KIR3DL3: variants seen among roughly 807,000 people sequenced by gnomAD.
KIR3DL3 encodes the protein killer cell immunoglobulin-like receptor 3DL3.
Under a neutral mutation model 34.9 loss-of-function variants are expected in KIR3DL3, and 27 were observed. That is an observed-to-expected ratio of 0.77 (90% confidence interval 0.57 to 1.07). KIR3DL3 has a LOEUF of 1.07. KIR3DL3 is among the 50% of genes least tolerant of loss of function. The pLI is 0.00. For synonymous variants in KIR3DL3, 217 were observed against 200.2 expected (o/e 1.08, Z -0.71); for missense variants, 681 against 528.5 (o/e 1.29, Z -2.83).
chr19:54,732,651 A>G (rs2068943970), intron 5 of KIR3DL3, among the ~76,000 whole-genome samples: 1 of 152,246 alleles, frequency 6.6e-6, no homozygotes. Context: ...CCTTAATGGA[A>G]AAAATGGATT....
chr19:54,727,906 C>A lies in KIR3DL3; in HGVS notation c.651C>A (p.Val217=). 4 of 1,607,286 alleles carry A rather than the reference C, an allele frequency of 2.5e-6. No homozygotes were observed. The South Asian group carries it at 4.4e-5, about 18-fold the overall frequency. Residue 217 remains valine, a synonymous_variant, in exon 4 of 8, where the codon GTC becomes GTA. Coordinates refer to ENST00000291860, the MANE Select transcript of KIR3DL3 (RefSeq NM_153443.5). ...SAPSDPLDIV[V]VGLYGKPSLS... Reference sequence around the variant, plus strand: ...CCAGTGACCCTCTGGACATCGTGGTCGTAGGTGAGAGAATACAGACCTGCC... The same window carrying A: ...CCAGTGACCCTCTGGACATCGTGGTAGTAGGTGAGAGAATACAGACCTGCC...
In KIR3DL3 at chr19:54,735,952, A is replaced by G; in HGVS notation, c.1108-19A>G. On this transcript the variant is annotated intron_variant, in intron 7 of 7. Transcript: ENST00000291860. ...AAAATGTGAGCACCCTCCCTCACTCAGCATTTCCCTCCCTCCAGGACTCTG... is the reference window on the plus strand; with the variant it reads ...AAAATGTGAGCACCCTCCCTCACTCGGCATTTCCCTCCCTCCAGGACTCTG... 6.2e-7 allele frequency: 1 copy of G among 1,611,564 alleles called. No homozygotes were observed. Among genetic ancestry groups the G allele is most frequent in the South Asian group, 1.1e-5 (1 of 90,858 alleles).
Position 54,726,256 on chromosome 19 carries a change from A to T in KIR3DL3, c.274A>T (p.Thr92Ser). 1 of 1,613,808 alleles carries T rather than the reference A, an allele frequency of 6.2e-7. No individual in the cohort carries two copies. The highest frequency in any genetic ancestry group is 8.5e-7 in the Non-Finnish European group (1 of 1,179,942). ...CCCTGTGACCCCAGCACATGCAGGG[A>T]CCTACAGATGTTGCAGTTCACACCC... Reference protein sequence around the residue: ...MGPVTPAHAGTYRCCSSHPHS... With the variant: ...MGPVTPAHAGSYRCCSSHPHS... The change falls in exon 3 of 8, where the codon ACC becomes TCC. Residue 92 changes from threonine to serine, a missense_variant. By Grantham distance (58) the Thr-to-Ser change is moderately conservative. Transcript: ENST00000291860.
chr19:54,724,512 G>C lies in KIR3DL3; in HGVS notation c.16G>C (p.Val6Leu). 6.2e-7 allele frequency: 1 copy of C among 1,612,768 alleles called. No individual in the cohort carries two copies. Among genetic ancestry groups the C allele is most frequent in the South Asian group, 1.1e-5 (1 of 91,014 alleles). The change falls in exon 1 of 8, where the codon GTC (valine) becomes CTC (leucine). Residue 6 changes from valine (V) to leucine (L), a missense_variant. By Grantham distance (32) the Val-to-Leu change is conservative (BLOSUM62 1). Transcript: ENST00000291860. MSLMV[V>L]SMACVGFFLL... ...CGGCAGCACCATGTCGCTCATGGTC[G>C]TCAGCATGGCGTGTGTTGGTGAGTC...
At chr19:54,727,304 A>G (rs35910454) in intron 3 of KIR3DL3, among the ~76,000 whole-genome samples, 70,323 of 99,968 alleles carry the variant, frequency 0.7, 25,797 homozygotes, top group East Asian at 0.99. Context: ...GCAGCCTGTC[A>G]TGGTTCCTCT....
rs573397988 is a variant in KIR3DL3 at position 54,725,248 on chromosome 19, G to T, written c.36G>T (p.Gly12=). Reference sequence around the variant, plus strand: ...ATCCATCATGATCTTTCTTTCCAGGGTTCTTCTTGCTGGAGGGGCCCTGGC... The same window carrying T: ...ATCCATCATGATCTTTCTTTCCAGGTTTCTTCTTGCTGGAGGGGCCCTGGC... ...SLMVVSMACV[G]FFLLEGPWPH... The change falls in exon 2 of 8, where the codon GGG becomes GGT. Residue 12 remains glycine (G), a splice_region_variant and synonymous_variant. Coordinates refer to ENST00000291860, the MANE Select transcript of KIR3DL3 (RefSeq NM_153443.5). 2.0e-5 allele frequency: 32 copies of T among 1,594,920 alleles called. No individual in the cohort carries two copies. The highest frequency in any genetic ancestry group is 1.0e-4 in the Admixed American group (6 of 59,398).
At position 54,736,090 on chromosome 19, in the gene KIR3DL3, C is replaced by A. The variant is rs781440017; in HGVS notation, c.1227C>A (p.Ser409Arg). ...CCAAGACACCCCCAACAGATACCAG[C>A]GTGTAACACGGAACTTCCAAATGCT... is the stretch of plus-strand genomic sequence containing the variant. ...QRPKTPPTDT[S>R]V The change falls in exon 8 of 8, where the codon AGC (serine) becomes AGA (arginine). Residue 409 changes from serine (S) to arginine (R), a missense_variant. By Grantham distance (110) the Ser-to-Arg change is moderately radical. Transcript: ENST00000291860. 6.1e-5 allele frequency: 98 copies of A among 1,613,044 alleles called. No individual in the cohort carries two copies. The highest frequency in any genetic ancestry group is 7.8e-5 in the Non-Finnish European group (92 of 1,179,888).
At chr19:54,733,646 C>T (rs1473250455) in intron 5 of KIR3DL3, among the ~76,000 whole-genome samples, 1 of 152,220 alleles carries the variant, frequency 6.6e-6, no homozygotes. Flanking sequence ...ATCCATTAAA[C>T]AATCAGGTTA....
chr19:54,727,922 C>G lies in KIR3DL3; in HGVS notation c.655+12C>G, dbSNP rs1356795616. On this transcript the variant is annotated intron_variant, in intron 4 of 7. Transcript: ENST00000291860. The stretch of plus-strand genomic sequence containing the variant: ...CATCGTGGTCGTAGGTGAGAGAATA[C>G]AGACCTGCCTCTCACCCTTGCTGGG... The G allele has an allele frequency of 1.3e-6, 2 of 1,596,872 alleles. No individual in the cohort carries two copies. Among genetic ancestry groups the G allele is most frequent in the East Asian group, 2.2e-5 (1 of 44,696 alleles).
At position 54,728,587 on chromosome 19, in the gene KIR3DL3, AAC is replaced by A. The variant is rs1201149262; in HGVS notation, c.655+687_655+688del. Among the ~76,000 whole-genome samples the A allele has an allele frequency of 1.6e-4, 24 of 152,292 alleles. 1 individual carries two copies. Among genetic ancestry groups the A allele is most frequent in the Non-Finnish European group, 2.9e-4 (20 of 68,014 alleles). On this transcript the variant is annotated intron_variant, in intron 4 of 7. Coordinates refer to ENST00000291860, the MANE Select transcript of KIR3DL3 (RefSeq NM_153443.5). ...AGGGAAATCAAAAAGCAAAGACATGAACACACACACAGAATGAGCCAGAAGAA... is the reference window on the plus strand; with the variant it reads ...AGGGAAATCAAAAAGCAAAGACATGAACACACACAGAATGAGCCAGAAGAA...
chr19:54,727,931 C>A (rs755151852), intron 4 of KIR3DL3, 21 bp downstream of exon 4: 1 of 1,586,148 alleles, frequency 6.3e-7, no homozygotes, highest in Non-Finnish European at 8.6e-7. Flanking sequence ...ACAGACCTGC[C>A]TCTCACCCTT....
Position 54,727,776 on chromosome 19 carries a change from C to A in KIR3DL3, c.521C>A (p.Ala174Glu), listed in dbSNP as rs367886097. ...PLRLVGQLHDAGSQVNYSMGP... is the reference protein window; with the variant it reads ...PLRLVGQLHDEGSQVNYSMGP... The stretch of plus-strand genomic sequence containing the variant: ...CGCCTCGTTGGACAGCTCCACGATG[C>A]GGGTTCCCAGGTCAACTATTCCATG... Residue 174 changes from alanine to glutamate, a missense_variant, in exon 4 of 8, where the codon GCG becomes GAG. By Grantham distance (107) the Ala-to-Glu change is moderately radical. Coordinates refer to ENST00000291860, the MANE Select transcript of KIR3DL3 (RefSeq NM_153443.5). The A allele has an allele frequency of 1.2e-6, 2 of 1,613,412 alleles. No homozygotes were observed. The highest frequency in any genetic ancestry group is 1.3e-5 in the African/African-American group (1 of 74,802).
intron 5 of KIR3DL3, among the ~76,000 whole-genome samples, chr19:54,734,458 A>T (rs1470880959): frequency 1.3e-5 from 2 of 151,728 alleles, no homozygotes; most frequent in African/African-American, 4.8e-5. Flanking sequence ...GAGTCACCCC[A>T]TATGCAGTGT....
rs756426142 is a variant in KIR3DL3, at chr19:54,727,910, G to T, written c.655G>T (p.Gly219Cys). The change falls in exon 4 of 8, where the codon GGT (glycine) becomes TGT (cysteine). Residue 219 changes from glycine (G) to cysteine (C), a missense_variant and splice_region_variant. Gly to Cys is a radical substitution (Grantham distance 159). Transcript: ENST00000291860. ...TGACCCTCTGGACATCGTGGTCGTAGGTGAGAGAATACAGACCTGCCTCTC... is the reference window on the plus strand; with the variant it reads ...TGACCCTCTGGACATCGTGGTCGTATGTGAGAGAATACAGACCTGCCTCTC... ...PSDPLDIVVV[G>C]LYGKPSLSAQ... 4 of 1,606,442 alleles carry T rather than the reference G, an allele frequency of 2.5e-6. No individual in the cohort carries two copies. Among genetic ancestry groups the T allele is most frequent in the Non-Finnish European group, 3.4e-6 (4 of 1,175,232 alleles).
At chr19:54,735,008 T>A (rs62132698) in intron 5 of KIR3DL3, among the ~76,000 whole-genome samples, 726 of 128,968 alleles carry the variant, frequency 5.6e-3, no homozygotes, top group South Asian at 0.014. Context: ...AACCTCCCAC[T>A]CTGGGGGTTA....
In KIR3DL3 at chr19:54,729,670, C is replaced by A; in HGVS notation, c.833C>A (p.Ala278Asp). ...CTGAGGGTCAATGGAACATTCCAGG[C>A]CAACTTCCCTCTGGGCCCTGTGACC... ...AVLRVNGTFQ[A>D]NFPLGPVTHG... The change falls in exon 5 of 8, where the codon GCC becomes GAC. Residue 278 changes from alanine to aspartate, a missense_variant. Physicochemically the swap from Ala to Asp is moderately radical, Grantham distance 126 (BLOSUM62 -2). Transcript: ENST00000291860. 1 of 1,600,606 alleles carries A rather than the reference C, an allele frequency of 6.2e-7. No homozygotes were observed. The highest frequency in any genetic ancestry group is 8.5e-7 in the Non-Finnish European group (1 of 1,176,558).
Position 54,736,013 on chromosome 19 carries a change from T to A in KIR3DL3, c.1150T>A (p.Leu384Met). 6.2e-7 allele frequency: 1 copy of A among 1,613,672 alleles called. No homozygotes were observed. The highest frequency in any genetic ancestry group is 8.5e-7 in the Non-Finnish European group (1 of 1,179,984). The change falls in exon 8 of 8, where the codon TTG becomes ATG. Residue 384 changes from leucine (L) to methionine (M), a missense_variant. By Grantham distance (15) the Leu-to-Met change is conservative. Transcript: ENST00000291860. Reference sequence around the variant, plus strand: ...CCCTCAGGAGGTGACATACGCACAGTTGAATCACTGCGTTTTCACACAGAG... The same window carrying A: ...CCCTCAGGAGGTGACATACGCACAGATGAATCACTGCGTTTTCACACAGAG... ...QDPQEVTYAQLNHCVFTQRKI... is the reference protein window; with the variant it reads ...QDPQEVTYAQMNHCVFTQRKI...
chr19:54,729,171 A>T (rs930900440), intron 4 of KIR3DL3, among the ~76,000 whole-genome samples: 3 of 149,772 alleles, frequency 2.0e-5, no homozygotes, highest in Non-Finnish European at 4.4e-5. Flanking sequence ...AAATATGCAG[A>T]AAGTTATGAG....
intron 5 of KIR3DL3, among the ~76,000 whole-genome samples, chr19:54,732,792 C>A (rs1212270415): frequency 2.0e-5 from 3 of 152,122 alleles, no homozygotes; most frequent in African/African-American, 7.2e-5. Context: ...GGGAGAATGA[C>A]AAGACAACTG....
Sources: gnomAD v4.1 joint callset for allele counts (sites outside exome capture counted in the v4.1 genomes callset) on GRCh38, gnomAD v4.1.1 for gene constraint, MANE v1.5 for transcripts, NCBI Gene and HGNC (gene_info 2026-07-23, HGNC 2026-07-21) for gene names.